Variants in FAT1 observed in about 807,000 individuals in gnomAD.
FAT1 encodes the protein FAT atypical cadherin 1, also known as protocadherin Fat 1.
FAT1 carries 171 observed loss-of-function variants against 329.8 expected under a neutral mutation model. The observed-to-expected ratio is 0.52, with a 90% CI of 0.46 to 0.59. The LOEUF is 0.59. Ranked by LOEUF, FAT1 falls within the 20% of genes least tolerant of loss-of-function variation. The pLI is 0.00. For missense variants in FAT1, 5,672 were observed against 5,774.4 expected (o/e 0.98, Z 0.57); for synonymous variants, 2,233 against 2,228.6 (o/e 1.00, Z -0.06).
At chr4:186,672,641 A>AGTT (rs1374020430) in intron 2 of FAT1, among the ~76,000 whole-genome samples, 29 of 152,238 alleles carry the variant, frequency 1.9e-4, no homozygotes, top group African/African-American at 6.8e-4. Flanking sequence ...TCCTTACAGC[A>AGTT]ACCCTAAGAA....
At chr4:186,694,711 C>A (rs1743946159) in intron 2 of FAT1, among the ~76,000 whole-genome samples, 1 of 152,092 alleles carries the variant, frequency 6.6e-6, no homozygotes, top group Non-Finnish European at 1.5e-5. Context: ...ACCAGTAATC[C>A]CAGCATTTCA....
intron 1 of FAT1, among the ~76,000 whole-genome samples, chr4:186,712,434 T>TA (rs767152338): frequency 1.1e-4 from 16 of 152,224 alleles, no homozygotes; most frequent in Non-Finnish European, 2.4e-4. Flanking sequence ...TAATTCCTTT[T>TA]ACATAGGTTT....
chr4:186,664,841 T>C (rs760309351), intron 2 of FAT1, among the ~76,000 whole-genome samples: 1 of 152,202 alleles, frequency 6.6e-6, no homozygotes, highest in Non-Finnish European at 1.5e-5. Flanking sequence ...CTAGAATCAC[T>C]GAAGTTTCCC....
chr4:186,670,505 A>G (rs1391069370), intron 2 of FAT1, among the ~76,000 whole-genome samples: 1 of 152,194 alleles, frequency 6.6e-6, no homozygotes, highest in Non-Finnish European at 1.5e-5. Flanking sequence ...GAAGAGACAT[A>G]CCATCAACAC....
chr4:186,656,812 G>C (rs547130116), intron 3 of FAT1, among the ~76,000 whole-genome samples: 1 of 152,276 alleles, frequency 6.6e-6, no homozygotes, highest in South Asian at 2.1e-4. Flanking sequence ...CCAAGACACA[G>C]AAACCCTGGT....
Position 186,610,021 on chromosome 4 carries a change from T to C in FAT1, c.9854-6A>G, listed in dbSNP as rs781078699. 18 of 1,584,706 alleles carry C rather than the reference T, an allele frequency of 1.1e-5. No homozygotes were observed. In the South Asian group the frequency reaches 1.4e-4, roughly 13 times the overall value. ...CTCAATGATAAATACGGCCCCTGAA[T>C]AGAAATCAAAATTACTTCCAGCATT... On this transcript the variant is annotated splice_region_variant and splice_polypyrimidine_tract_variant and intron_variant, in intron 14 of 26. Coordinates refer to ENST00000441802, the MANE Select transcript of FAT1 (RefSeq NM_005245.4).
rs762156918 is a variant in FAT1 at position 186,707,823 on chromosome 4, G to T, written c.2005C>A (p.Leu669Met). The stretch of plus-strand genomic sequence containing the variant: ...GTCTCTTCACACTGCAAGTTTACCA[G>T]CTTGTGACTGGCAGCCACTGTTATG... ...INITVAASHK[L>M]VNLQCEETGV... The change falls in exon 2 of 27, where the codon CTG becomes ATG. Residue 669 changes from leucine to methionine, a missense_variant. By Grantham distance (15) the Leu-to-Met change is conservative. Coordinates refer to ENST00000441802, the MANE Select transcript of FAT1 (RefSeq NM_005245.4). The T allele has an allele frequency of 6.2e-7, 1 of 1,613,694 alleles. No homozygotes were observed. The highest frequency in any genetic ancestry group is 2.2e-5 in the East Asian group (1 of 44,876).
chr4:186,717,823 CTT>C (rs961088108), intron 1 of FAT1, among the ~76,000 whole-genome samples: 7 of 152,096 alleles, frequency 4.6e-5, no homozygotes, highest in African/African-American at 1.7e-4. Context: ...GTGCTATTCT[CTT>C]CTTTCCCCTC....
intron 7 of FAT1, among the ~76,000 whole-genome samples, 170 bp downstream of exon 7, chr4:186,633,514 T>C (rs920148710): frequency 2.0e-5 from 3 of 152,196 alleles, no homozygotes; most frequent in Admixed American, 6.5e-5. Context: ...AATTGGGATA[T>C]GGAATTAATT....
intron 3 of FAT1, among the ~76,000 whole-genome samples, chr4:186,642,041 G>C (rs1186168224): frequency 6.6e-6 from 1 of 151,776 alleles, no homozygotes; most frequent in Non-Finnish European, 1.5e-5. Context: ...AAGCCAAAAG[G>C]CTACCTGACC....
intron 2 of FAT1, among the ~76,000 whole-genome samples, chr4:186,665,995 A>G (rs556991391): frequency 2.3e-5 from 3 of 131,284 alleles, no homozygotes; most frequent in East Asian, 2.3e-4. Flanking sequence ...ATGAGAACAC[A>G]TGGACACAGG....
intron 2 of FAT1, among the ~76,000 whole-genome samples, chr4:186,670,740 C>T (rs1170227245): frequency 6.6e-6 from 1 of 151,940 alleles, no homozygotes; most frequent in African/African-American, 2.4e-5. Context: ...TGGTTCAAGG[C>T]CGGGTCAATA....
rs2126352658 is a variant in FAT1, at chr4:186,588,924, T to C, written c.13435A>G (p.Arg4479Gly). Residue 4479 changes from arginine (R) to glycine (G), a missense_variant, in exon 27 of 27, where the codon AGA becomes GGA. By Grantham distance (125) the Arg-to-Gly change is moderately radical. This residue lies in a region of FAT1 where 1,706 missense variants were observed against 1,859.1 expected (regional missense o/e 0.92). Coordinates refer to ENST00000441802, the MANE Select transcript of FAT1 (RefSeq NM_005245.4). ...PAAGSLGSSSRNRQRFNLNQY... is the reference protein window; with the variant it reads ...PAAGSLGSSSGNRQRFNLNQY... ...TTCAAGTTGAACCTCTGCCGGTTTC[T>C]TGATGAAGAACCCAAGCTACCCGCG... The C allele has an allele frequency of 6.2e-7, 1 of 1,613,978 alleles. No homozygotes were observed. Among genetic ancestry groups the C allele is most frequent in the East Asian group, 2.2e-5 (1 of 44,884 alleles).
In FAT1 at chr4:186,588,935, C is replaced by G. The variant is rs1341445248; in HGVS notation, c.13424G>C (p.Gly4475Ala). ...PRDMPAAGSL[G>A]SSSRNRQRFN... ...CCTCTGCCGGTTTCTTGATGAAGAACCCAAGCTACCCGCGGCAGGCATGTC... is the reference window on the plus strand; with the variant it reads ...CCTCTGCCGGTTTCTTGATGAAGAAGCCAAGCTACCCGCGGCAGGCATGTC... Residue 4475 changes from glycine (G) to alanine (A), a missense_variant, in exon 27 of 27, where the codon GGT (glycine) becomes GCT (alanine). Gly to Ala is a moderately conservative substitution (Grantham distance 60). Transcript: ENST00000441802. 6.2e-7 allele frequency: 1 copy of G among 1,613,950 alleles called. No homozygotes were observed. The highest frequency in any genetic ancestry group is 8.5e-7 in the Non-Finnish European group (1 of 1,179,884).
chr4:186,714,250 C>T (rs894444281), intron 1 of FAT1, among the ~76,000 whole-genome samples: 1 of 140,174 alleles, frequency 7.1e-6, no homozygotes. Flanking sequence ...GATTGTGAAT[C>T]TATTTCAAGG....
At chr4:186,672,056 A>G (rs1742755440) in intron 2 of FAT1, among the ~76,000 whole-genome samples, 1 of 152,192 alleles carries the variant, frequency 6.6e-6, no homozygotes, top group African/African-American at 2.4e-5. Context: ...GAAGTTTATA[A>G]GATATTACTA....
At position 186,603,560 on chromosome 4, in the gene FAT1, C is replaced by G. The variant is rs192691397; in HGVS notation, c.10966G>C (p.Val3656Leu). 6.2e-7 allele frequency: 1 copy of G among 1,613,976 alleles called. No individual in the cohort carries two copies. Among genetic ancestry groups the G allele is most frequent in the Non-Finnish European group, 8.5e-7 (1 of 1,179,878 alleles). Residue 3656 changes from valine to leucine, a missense_variant, in exon 19 of 27, where the codon GTT becomes CTT. Transcript: ENST00000441802. ...TGGAAGTTGCGCCAGTAGTCACCAA[C>G]GAATTCTTCCGGAGTGAGGTTGGCA... ...RFANLTPEEF[V>L]GDYWRNFQRA...
chr4:186,604,724 G>A (rs930358966), intron 17 of FAT1, 150 bp from the exon 18 acceptor site: 4 of 543,980 alleles, frequency 7.4e-6, no homozygotes, highest in South Asian at 3.5e-5. Context: ...AGGTGGAGAC[G>A]GGAGTGTGGT....
chr4:186,624,290 G>A (rs1740189694), intron 9 of FAT1, among the ~76,000 whole-genome samples: 1 of 152,114 alleles, frequency 6.6e-6, no homozygotes, highest in African/African-American at 2.4e-5. Flanking sequence ...TTACTCTTAA[G>A]CTATTAAGTA....
Sources: gnomAD v4.1 joint callset for allele counts (sites outside exome capture counted in the v4.1 genomes callset) on GRCh38, gnomAD v4.1.1 for gene constraint, gnomAD v4.1.1 regional missense constraint, MANE v1.5 for transcripts, NCBI Gene and HGNC (gene_info 2026-07-23, HGNC 2026-07-21) for gene names.